The following TAF2 variants were observed in gnomAD, a reference collection of about 807,000 sequenced individuals.
The protein encoded by TAF2 is transcription initiation factor TFIID subunit 2.
In TAF2, 61 loss-of-function variants were observed where a neutral mutation model predicts 138.5. The ratio of observed to expected loss-of-function variants is 0.44; its 90% CI spans 0.36 to 0.54. TAF2 has a LOEUF of 0.54. Among genes scored for constraint, TAF2 ranks in the 20% least tolerant of loss-of-function variants. The probability of loss-of-function intolerance (pLI) is 0.00; values close to 1 mark genes in which losing one functional copy is unlikely to be tolerated. For missense variants in TAF2, 1,090 were observed against 1,427.9 expected (o/e 0.76, Z 3.81); for synonymous variants, 475 against 469.9 (o/e 1.01, Z -0.14).
intron 20 of TAF2, among the ~76,000 whole-genome samples, chr8:119,759,762 A>C (rs1820935868): frequency 6.6e-6 from 1 of 152,156 alleles, no homozygotes; most frequent in African/African-American, 2.4e-5. Context: ...AGAATGTTAC[A>C]TAAGAGATGC....
intron 2 of TAF2, among the ~76,000 whole-genome samples, chr8:119,826,328 T>G (rs1826098188): frequency 6.6e-6 from 1 of 152,036 alleles, no homozygotes; most frequent in Non-Finnish European, 1.5e-5. Context: ...GCTCTCTTTT[T>G]GCCTGCTGCC....
At chr8:119,803,751 G>T in intron 5 of TAF2, 127 bp downstream of exon 5, 5 of 956,796 alleles carry the variant, frequency 5.2e-6, no homozygotes, top group Non-Finnish European at 7.5e-6. Flanking sequence ...AAAGTAATTT[G>T]AAAGAAGTCT....
chr8:119,739,908 C>G (rs1819484027), intron 25 of TAF2, among the ~76,000 whole-genome samples: 1 of 151,916 alleles, frequency 6.6e-6, no homozygotes, highest in Non-Finnish European at 1.5e-5. Flanking sequence ...TTATGTGTAA[C>G]CTCTTCATTT....
At chr8:119,818,256 T>C (rs1300821149) in intron 3 of TAF2, among the ~76,000 whole-genome samples, 3 of 152,236 alleles carry the variant, frequency 2.0e-5, no homozygotes, top group Non-Finnish European at 4.4e-5. Context: ...GTCTGGGGTA[T>C]TGATTGAGAA....
chr8:119,827,016 A>G (rs1423553205), intron 2 of TAF2, among the ~76,000 whole-genome samples: 1 of 152,094 alleles, frequency 6.6e-6, no homozygotes, highest in African/African-American at 2.4e-5. Context: ...CAACATGGCA[A>G]AACTCCGTCT....
At chr8:119,762,755 C>T in intron 18 of TAF2, 147 bp from the exon 19 acceptor site, 1 of 639,388 alleles carries the variant, frequency 1.6e-6, no homozygotes, top group Non-Finnish European at 2.7e-6. Context: ...TCAACTCCAC[C>T]CTTTGCATGT....
chr8:119,788,465 T>A lies in TAF2; in HGVS notation c.1684-18A>T. ...AGTGGTCCCTTTTAAAAAAAAAACG[T>A]ACTGTTCAGAGATGTGATTTAAAAA... On this transcript the variant is annotated intron_variant, in intron 13 of 25. Coordinates refer to ENST00000378164, the MANE Select transcript of TAF2 (RefSeq NM_003184.4). The A allele has an allele frequency of 6.5e-7, 1 of 1,546,176 alleles. No individual in the cohort carries two copies. Among genetic ancestry groups the A allele is most frequent in the South Asian group, 1.1e-5 (1 of 89,870 alleles).
intron 9 of TAF2, 151 bp downstream of exon 9, chr8:119,795,381 A>G: frequency 4.1e-6 from 3 of 736,096 alleles, no homozygotes; most frequent in Non-Finnish European, 7.0e-6. Flanking sequence ...GAGATTAGAT[A>G]AAATAGACCA....
intron 17 of TAF2, among the ~76,000 whole-genome samples, chr8:119,778,629 A>G (rs1563864524): frequency 6.6e-6 from 1 of 152,214 alleles, no homozygotes; most frequent in African/African-American, 2.4e-5. Flanking sequence ...AATAAACGAT[A>G]TAAGTAGGTG....
At chr8:119,817,659 T>C (rs1825565366) in intron 3 of TAF2, among the ~76,000 whole-genome samples, 1 of 152,228 alleles carries the variant, frequency 6.6e-6, no homozygotes, top group Admixed American at 6.5e-5. Context: ...TCCTGAGACC[T>C]GGGCAGCAAC....
rs1424684282 is a variant in TAF2 at position 119,794,795 on chromosome 8, T to C, written c.1191+737A>G. Among the ~76,000 whole-genome samples, 4 of 152,156 alleles carry C rather than the reference T, an allele frequency of 2.6e-5. No individual in the cohort carries two copies. In the East Asian group the frequency reaches 7.7e-4, roughly 29 times the overall value. The stretch of plus-strand genomic sequence containing the variant: ...GTACAAATACCTTAATAGCTCTAGG[T>C]GTTTGAAGTCTTCGAAAATTAACTT... On this transcript the variant is annotated intron_variant, in intron 9 of 25. Coordinates refer to ENST00000378164, the MANE Select transcript of TAF2 (RefSeq NM_003184.4).
At chr8:119,737,400 C>G (rs1220755638) in intron 25 of TAF2, among the ~76,000 whole-genome samples, 1 of 151,912 alleles carries the variant, frequency 6.6e-6, no homozygotes, top group East Asian at 1.9e-4. Context: ...TTAAATAAGA[C>G]TGACCATGAA....
intron 23 of TAF2, 125 bp downstream of exon 23, chr8:119,746,580 T>C: frequency 9.6e-7 from 1 of 1,046,268 alleles, no homozygotes; most frequent in South Asian, 1.3e-5. Flanking sequence ...CAGCCAGCAT[T>C]TTTTAAAAGG....
At chr8:119,756,774 T>C (rs1426239823) in intron 21 of TAF2, among the ~76,000 whole-genome samples, 2 of 152,144 alleles carry the variant, frequency 1.3e-5, no homozygotes, top group African/African-American at 4.8e-5. Flanking sequence ...GAACATATTA[T>C]GGAGTTCTCT....
intron 22 of TAF2, among the ~76,000 whole-genome samples, chr8:119,754,680 C>CA (rs74482890): frequency 0.025 from 3,020 of 121,230 alleles, 39 homozygotes; most frequent in Middle Eastern, 0.036. Flanking sequence ...AAGACTGTCT[C>CA]AAAAAAAAAA....
Position 119,760,631 on chromosome 8 carries a change from G to A in TAF2, c.2666C>T (p.Ala889Val), listed in dbSNP as rs558876985. 6.2e-7 allele frequency: 1 copy of A among 1,613,718 alleles called. No homozygotes were observed. Among genetic ancestry groups the A allele is most frequent in the Admixed American group, 1.7e-5 (1 of 60,030 alleles). Residue 889 changes from alanine to valine, a missense_variant, in exon 20 of 26, where the codon GCA becomes GTA. By Grantham distance (64) the Ala-to-Val change is moderately conservative. Coordinates refer to ENST00000378164, the MANE Select transcript of TAF2 (RefSeq NM_003184.4). ...EYGHFVDIRIAALEAVVDYTK... is the reference protein window; with the variant it reads ...EYGHFVDIRIVALEAVVDYTK... ...ATAATCAACAACTGCTTCCAAAGCT[G>A]CTATCCTAATGTCCACAAAGTGGCC...
At chr8:119,792,153 T>C (rs201098683) in intron 10 of TAF2, among the ~76,000 whole-genome samples, 185 of 82,884 alleles carry the variant, frequency 2.2e-3, no homozygotes, top group Middle Eastern at 7.7e-3. Flanking sequence ...TTCTTTCTTT[T>C]TTTTTTTTTT....
At chr8:119,740,262 C>T (rs115976570) in intron 25 of TAF2, among the ~76,000 whole-genome samples, 1,671 of 152,146 alleles carry the variant, frequency 0.011, 31 homozygotes, top group African/African-American at 0.038. Context: ...CTCACAGAAA[C>T]GTTGATACAC....
At chr8:119,778,745 C>T (rs1251835588) in intron 17 of TAF2, among the ~76,000 whole-genome samples, 1 of 152,152 alleles carries the variant, frequency 6.6e-6, no homozygotes. Flanking sequence ...TGAAATGCAG[C>T]CTAATTTTTC....
Sources: allele counts gnomAD v4.1 joint callset (sites outside exome capture counted in the v4.1 genomes callset), GRCh38; gene constraint gnomAD v4.1.1; transcripts MANE v1.5; gene names NCBI Gene and HGNC (gene_info 2026-07-23, HGNC 2026-07-21).